The following MORC1 variants were observed in gnomAD, a reference collection of about 807,000 sequenced individuals.
MORC1 encodes MORC family CW-type zinc finger 1.
Under a neutral mutation model 134.9 loss-of-function variants are expected in MORC1, and 59 were observed. That is an observed-to-expected ratio of 0.44 (90% CI 0.35 to 0.54). MORC1 has a LOEUF of 0.54. Ranked by LOEUF, MORC1 falls within the 20% of genes least tolerant of loss-of-function variation. The pLI is 0.00. For missense variants in MORC1, 947 were observed against 1,134.5 expected, an observed-to-expected ratio of 0.83 and a Z score of 2.37; for synonymous variants, 395 against 391.7, an observed-to-expected ratio of 1.01 and a Z score of -0.10.
At chr3:109,059,350 T>C (rs1425018232) in intron 12 of MORC1, among the ~76,000 whole-genome samples, 3 of 152,164 alleles carry the variant, frequency 2.0e-5, no homozygotes, top group Admixed American at 2.0e-4. Flanking sequence ...TTTTTAGCGA[T>C]ATATAAGCAA....
intron 21 of MORC1, among the ~76,000 whole-genome samples, chr3:108,995,698 T>A (rs1160147250): frequency 6.6e-6 from 1 of 152,200 alleles, no homozygotes; most frequent in East Asian, 1.9e-4. Context: ...AGAAAAGAAC[T>A]ATTAATACAT....
At chr3:109,010,837 C>G (rs1270052744) in intron 17 of MORC1, among the ~76,000 whole-genome samples, 1 of 152,140 alleles carries the variant, frequency 6.6e-6, no homozygotes, top group Non-Finnish European at 1.5e-5. Context: ...ATCAAGAGTG[C>G]ACTCCTTCCT....
chr3:109,000,427 TC>T, intron 21 of MORC1, 129 bp downstream of exon 21: 1 of 655,844 alleles, frequency 1.5e-6, no homozygotes, highest in Non-Finnish European at 2.5e-6. Context: ...CTTTTCTGAG[TC>T]TTATTTCTTC....
chr3:109,073,564 A>G (rs1050974662), intron 8 of MORC1, among the ~76,000 whole-genome samples: 21 of 152,184 alleles, frequency 1.4e-4, no homozygotes, highest in African/African-American at 4.8e-4. Context: ...CACTGGGCAC[A>G]CAGACAACAG....
At chr3:109,069,813 T>C in intron 8 of MORC1, 56 bp from the exon 9 acceptor site, 1 of 1,519,942 alleles carries the variant, frequency 6.6e-7, no homozygotes, top group East Asian at 2.3e-5. Context: ...CTACATCTCT[T>C]TGAGAAGAAA....
intron 17 of MORC1, among the ~76,000 whole-genome samples, chr3:109,014,116 C>G (rs893594938): frequency 7.9e-5 from 12 of 152,180 alleles, no homozygotes; most frequent in Admixed American, 7.9e-4. Flanking sequence ...GCATTTTTGT[C>G]TTCCATTTTC....
At chr3:109,085,122 G>C (rs1950592519) in intron 8 of MORC1, among the ~76,000 whole-genome samples, 1 of 151,686 alleles carries the variant, frequency 6.6e-6, no homozygotes, top group African/African-American at 2.4e-5. Context: ...GTGTCTATCT[G>C]TCTGTCTGTC....
intron 6 of MORC1, among the ~76,000 whole-genome samples, chr3:109,096,959 A>G (rs1193235435): frequency 6.6e-6 from 1 of 151,822 alleles, no homozygotes; most frequent in Non-Finnish European, 1.5e-5. Flanking sequence ...TACAATAGCT[A>G]AAAAACAGGA....
At chr3:109,005,921 G>A (rs1186001343) in intron 18 of MORC1, among the ~76,000 whole-genome samples, 4 of 152,136 alleles carry the variant, frequency 2.6e-5, no homozygotes, top group South Asian at 2.1e-4. Flanking sequence ...AGGGCTCAAC[G>A]AAACTCTTTA....
chr3:109,080,456 AC>A (rs1337574631), intron 8 of MORC1, among the ~76,000 whole-genome samples: 3 of 152,192 alleles, frequency 2.0e-5, no homozygotes, highest in Non-Finnish European at 4.4e-5. Context: ...GGGTGGGGAC[AC>A]AGCCAAACTA....
At chr3:108,991,784 G>T (rs189023350) in intron 21 of MORC1, among the ~76,000 whole-genome samples, 1 of 152,162 alleles carries the variant, frequency 6.6e-6, no homozygotes, top group Non-Finnish European at 1.5e-5. Flanking sequence ...TGACCACTTG[G>T]TCAGATTCCC....
At chr3:109,086,556 C>A (rs942557805) in intron 8 of MORC1, among the ~76,000 whole-genome samples, 2 of 151,870 alleles carry the variant, frequency 1.3e-5, no homozygotes, top group Admixed American at 6.6e-5. Flanking sequence ...TCGCAAAACG[C>A]CACCATTGAG....
intron 20 of MORC1, among the ~76,000 whole-genome samples, chr3:109,001,220 C>T (rs1348966909): frequency 6.6e-6 from 1 of 152,040 alleles, no homozygotes; most frequent in Non-Finnish European, 1.5e-5. Context: ...GCAACCTCCA[C>T]CTTCCAGTTT....
Position 108,979,508 on chromosome 3 carries a change from T to A in MORC1, c.2477+7A>T. The A allele has an allele frequency of 6.2e-7, 1 of 1,613,526 alleles. No homozygotes were observed. Among genetic ancestry groups the A allele is most frequent in the Non-Finnish European group, 8.5e-7 (1 of 1,179,732 alleles). Reference sequence around the variant, plus strand: ...GCATGTGGAAATATGTGAGTAAATATCTTTACCTTAACTTAGACTTCAGTT... The same window carrying A: ...GCATGTGGAAATATGTGAGTAAATAACTTTACCTTAACTTAGACTTCAGTT... On this transcript the variant is annotated splice_region_variant and intron_variant, in intron 24 of 27. Transcript: ENST00000232603.
At chr3:109,100,343 T>C (rs1316620440) in intron 5 of MORC1, 74 bp downstream of exon 5, 12 of 1,146,230 alleles carry the variant, frequency 1.0e-5, no homozygotes, top group African/African-American at 1.5e-5. Context: ...GCCTGCATCA[T>C]TCTGTGTAAA....
intron 17 of MORC1, among the ~76,000 whole-genome samples, chr3:109,008,617 T>C (rs2107542966): frequency 6.6e-6 from 1 of 152,100 alleles, no homozygotes; most frequent in South Asian, 2.1e-4. Flanking sequence ...TTGACATTAG[T>C]TCAATCATTT....
chr3:108,959,003 G>A lies in MORC1; in HGVS notation c.2917C>T (p.Leu973Phe), dbSNP rs1947009201. Reference sequence around the variant, plus strand: ...GTCTTTTCATTTTTTTCTAAAGGGAGTCTATGTCTTGCATCTATAGTTACT... The same window carrying A: ...GTCTTTTCATTTTTTTCTAAAGGGAATCTATGTCTTGCATCTATAGTTACT... ...NKVTIDARHR[L>F]PLEKNEKTSE... The change falls in exon 28 of 28, where the codon CTC becomes TTC. Residue 973 changes from leucine (L) to phenylalanine (F), a missense_variant. This residue lies in a region of MORC1 where 722 missense variants were observed against 817.0 expected (regional missense o/e 0.88). Transcript: ENST00000232603. The A allele has an allele frequency of 3.3e-6, 5 of 1,535,646 alleles. No homozygotes were observed. Among genetic ancestry groups the A allele is most frequent in the African/African-American group, 2.8e-5 (2 of 70,190 alleles).
intron 21 of MORC1, among the ~76,000 whole-genome samples, chr3:108,999,434 T>C (rs1402467726): frequency 6.6e-6 from 1 of 152,218 alleles, no homozygotes; most frequent in Non-Finnish European, 1.5e-5. Flanking sequence ...TTGCACTATG[T>C]TTAAAATTTT....
intron 15 of MORC1, among the ~76,000 whole-genome samples, chr3:109,034,992 A>G (rs971652056): frequency 6.6e-6 from 1 of 151,910 alleles, no homozygotes; most frequent in African/African-American, 2.4e-5. Context: ...CAAGCAATCT[A>G]CCCACCTCAG....
Sources: allele counts gnomAD v4.1 joint callset (sites outside exome capture counted in the v4.1 genomes callset), GRCh38; gene constraint gnomAD v4.1.1; regional missense constraint gnomAD v4.1.1; transcripts MANE v1.5; gene names NCBI Gene and HGNC (gene_info 2026-07-23, HGNC 2026-07-21).